Variants in SRPK1 observed in about 807,000 individuals in gnomAD.
SRPK1 encodes SRSF protein kinase 1.
SRPK1 carries 52 observed loss-of-function variants against 89.5 expected under a neutral mutation model. The ratio of observed to expected loss-of-function variants is 0.58; its 90% CI spans 0.46 to 0.73. SRPK1 has a LOEUF of 0.73. Among genes scored for constraint, SRPK1 ranks in the 30% least tolerant of loss-of-function variants. The probability of loss-of-function intolerance (pLI) is 0.00; values close to 1 mark genes in which losing one functional copy is unlikely to be tolerated. For synonymous variants in SRPK1, 255 were observed against 270.2 expected, an observed-to-expected ratio of 0.94 and a Z score of 0.55; for missense variants, 603 against 780.6, an observed-to-expected ratio of 0.77 and a Z score of 2.71.
At chr6:35,915,448 T>TTGACAAAA (rs971816774) in intron 2 of SRPK1, among the ~76,000 whole-genome samples, 1 of 150,476 alleles carries the variant, frequency 6.6e-6, no homozygotes, top group African/African-American at 2.4e-5. Flanking sequence ...GGACAAAATT[T>TTGACAAAA]TGACAAAATG....
intron 2 of SRPK1, among the ~76,000 whole-genome samples, chr6:35,911,212 A>T (rs1271504212): frequency 6.6e-6 from 1 of 152,234 alleles, no homozygotes; most frequent in Non-Finnish European, 1.5e-5. Flanking sequence ...GAGAGGTAAA[A>T]ATATCAACAT....
intron 3 of SRPK1, among the ~76,000 whole-genome samples, chr6:35,889,171 A>G (rs1174058927): frequency 6.6e-6 from 1 of 152,202 alleles, no homozygotes; most frequent in African/African-American, 2.4e-5. Context: ...AGTCTCATCC[A>G]AAAACAATAA....
At chr6:35,863,607 CCAGG>C (rs1258090435) in intron 12 of SRPK1, among the ~76,000 whole-genome samples, 1 of 149,812 alleles carries the variant, frequency 6.7e-6, no homozygotes, top group African/African-American at 2.5e-5. Context: ...CCACTGATCC[CCAGG>C]CAAATACATG....
At chr6:35,900,807 G>A (rs1290359768) in intron 2 of SRPK1, among the ~76,000 whole-genome samples, 1 of 152,066 alleles carries the variant, frequency 6.6e-6, no homozygotes, top group Admixed American at 6.6e-5. Context: ...GGAGAGGAAC[G>A]GATTTAAAGA....
chr6:35,867,243 G>A (rs1170501602), intron 12 of SRPK1, among the ~76,000 whole-genome samples: 1 of 152,170 alleles, frequency 6.6e-6, no homozygotes. Context: ...AAGTGAAGAA[G>A]CTATTGCAGT....
At chr6:35,857,059 A>G (rs900673795) in intron 13 of SRPK1, 6 of 484,550 alleles carry the variant, frequency 1.2e-5, no homozygotes, top group African/African-American at 9.8e-5. Flanking sequence ...CCTTCACCTA[A>G]CAGGAACTTA....
chr6:35,839,265 C>G (rs1219977168), intron 14 of SRPK1, among the ~76,000 whole-genome samples: 1 of 152,244 alleles, frequency 6.6e-6, no homozygotes, highest in Non-Finnish European at 1.5e-5. Context: ...ATCCTCCTGC[C>G]TTGGCCTCCC....
Position 35,870,408 on chromosome 6 carries a change from T to G in SRPK1, c.864A>C (p.Glu288Asp), listed in dbSNP as rs1361834340. ...QAELLEKRMQ[E>D]IEEMEKESGP... is the part of the protein sequence containing the mutation. The stretch of plus-strand genomic sequence containing the variant: ...CCGACTCTTTCTCCATTTCCTCAAT[T>G]TCCTGCATTCGCTTCTCTAGTAATT... Residue 288 changes from glutamate (E) to aspartate (D), a missense_variant, in exon 10 of 16, where the codon GAA becomes GAC. Coordinates refer to ENST00000373825, the MANE Select transcript of SRPK1 (RefSeq NM_003137.5). 2.5e-6 allele frequency: 4 copies of G among 1,580,532 alleles called. No homozygotes were observed. In the East Asian group the frequency reaches 9.1e-5, roughly 36 times the overall value.
In SRPK1 at chr6:35,880,742, A is replaced by AAAAAAAAAGAAAGAAAG. The variant is rs1770262343; in HGVS notation, c.478+5981_478+5982insCTTTCTTTCTTTTTTTT. Among the ~76,000 whole-genome samples the AAAAAAAAAGAAAGAAAG allele has an allele frequency of 3.3e-3, 93 of 28,108 alleles. 5 individuals are homozygous for AAAAAAAAAGAAAGAAAG. Among genetic ancestry groups the AAAAAAAAAGAAAGAAAG allele is most frequent in the Middle Eastern group, 0.038 (1 of 26 alleles). 18.4% of individuals were successfully genotyped at this position (28,108 alleles called of 152,430 possible). On this transcript the variant is annotated intron_variant, in intron 6 of 15. Transcript: ENST00000373825. ...CTCAAAAAAAAAAAAAAAGAAAAAA[A>AAAAAAAAAGAAAGAAAG]AAAAAAAAGAAAAGAAAAGAAGAAG...
intron 2 of SRPK1, among the ~76,000 whole-genome samples, chr6:35,892,192 T>C (rs978849987): frequency 2.6e-5 from 4 of 152,164 alleles, no homozygotes; most frequent in African/African-American, 9.7e-5. Flanking sequence ...GTAAAAATCA[T>C]ATTTCATTTT....
At chr6:35,857,492 CTTAT>C (rs1261895569) in intron 12 of SRPK1, 124 bp from the exon 13 acceptor site, 1 of 740,530 alleles carries the variant, frequency 1.4e-6, no homozygotes, top group East Asian at 2.7e-5. Context: ...TCTCACTTTG[CTTAT>C]TTCTTAAACA....
Position 35,863,219 on chromosome 6 carries a change from A to G in SRPK1, c.1512+5791T>C, listed in dbSNP as rs115557091. 7.3e-3 allele frequency among the ~76,000 whole-genome samples: 1,109 copies of G among 152,152 alleles called. 14 individuals carry two copies. Among genetic ancestry groups the G allele is most frequent in the Middle Eastern group, 0.014 (4 of 294 alleles). The stretch of plus-strand genomic sequence containing the variant: ...CAAAATACATTTGAAAGCCTCAATA[A>G]TAGACTGGAACAAGTAGAAGAATCT... On this transcript the variant is annotated intron_variant, in intron 12 of 15. Coordinates refer to ENST00000373825, the MANE Select transcript of SRPK1 (RefSeq NM_003137.5).
intron 12 of SRPK1, among the ~76,000 whole-genome samples, chr6:35,866,814 G>T (rs1769915042): frequency 6.6e-6 from 1 of 152,112 alleles, no homozygotes; most frequent in Admixed American, 6.6e-5. Flanking sequence ...GGTATGGAAT[G>T]AACACAATAC....
In SRPK1 at chr6:35,889,349, AAAAAC is replaced by A. The variant is rs201794672; in HGVS notation, c.194-431_194-427del. ...TAAGCAAACGGGATTTTCTCTAAAT[AAAAAC>A]AAAACAAAACAGCCCAGGCACGGTG... On this transcript the variant is annotated intron_variant, in intron 3 of 15. Transcript: ENST00000373825. Among the ~76,000 whole-genome samples the A allele has an allele frequency of 1.7e-3, 261 of 152,094 alleles. 6 individuals carry two copies. In the South Asian group the frequency reaches 0.026, roughly 15 times the overall value.
intron 13 of SRPK1, 24 bp downstream of exon 13, chr6:35,857,237 A>C: frequency 6.4e-7 from 1 of 1,570,302 alleles, no homozygotes; most frequent in Non-Finnish European, 8.7e-7. Flanking sequence ...TTAACAAGTG[A>C]AAGCCAAGGG....
At position 35,874,332 on chromosome 6, in the gene SRPK1, G is replaced by A; in HGVS notation, c.486C>T (p.Cys162=). Reference sequence around the variant, plus strand: ...GATGCCCCAAAACTTCAAATACCATGCAGATATCTAGGAATTCATTAAGGA... The same window carrying A: ...GATGCCCCAAAACTTCAAATACCATACAGATATCTAGGAATTCATTAAGGA... The part of the protein sequence containing the change: ...KISGVNGTHI[C]MVFEVLGHHL... The change falls in exon 7 of 16, where the codon TGC becomes TGT. Residue 162 remains cysteine, a synonymous_variant. Coordinates refer to ENST00000373825, the MANE Select transcript of SRPK1 (RefSeq NM_003137.5). 1 of 1,611,072 alleles carries A rather than the reference G, an allele frequency of 6.2e-7. No individual in the cohort carries two copies. Among genetic ancestry groups the A allele is most frequent in the Non-Finnish European group, 8.5e-7 (1 of 1,178,212 alleles).
chr6:35,874,086 C>T (rs1770103068), intron 7 of SRPK1, 147 bp downstream of exon 7: 1 of 604,172 alleles, frequency 1.7e-6, no homozygotes, highest in South Asian at 2.0e-5. Flanking sequence ...CTCGGCCTCC[C>T]AAAGTGCTGG....
At chr6:35,840,093 C>A (rs1306231448) in intron 14 of SRPK1, among the ~76,000 whole-genome samples, 1 of 152,128 alleles carries the variant, frequency 6.6e-6, no homozygotes, top group Non-Finnish European at 1.5e-5. Flanking sequence ...AGGCGTGAAC[C>A]ACCACACCCG....
chr6:35,867,335 A>G (rs1236703025), intron 12 of SRPK1, among the ~76,000 whole-genome samples: 3 of 152,180 alleles, frequency 2.0e-5, no homozygotes, highest in African/African-American at 7.2e-5. Context: ...GCTGCTCCAC[A>G]TTCTTATTAG....
Sources: allele counts gnomAD v4.1 joint callset (sites outside exome capture counted in the v4.1 genomes callset), GRCh38; gene constraint gnomAD v4.1.1; transcripts MANE v1.5; gene names NCBI Gene and HGNC (gene_info 2026-07-23, HGNC 2026-07-21).